The following FAM13A variants were observed in gnomAD, a reference collection of about 807,000 sequenced individuals.
FAM13A encodes family with sequence similarity 13 member A, also known as protein FAM13A.
A neutral mutation model predicts 129.6 loss-of-function variants in FAM13A; 76 were observed. The ratio of observed to expected loss-of-function variants is 0.59; its 90% CI spans 0.49 to 0.71. The LOEUF (loss-of-function observed/expected upper bound fraction) is 0.71, where lower values mean the gene tolerates loss of function less well. FAM13A is among the 30% of genes least tolerant of loss of function. The pLI is 0.00. For missense variants in FAM13A, 1,108 were observed against 1,249.3 expected, an observed-to-expected ratio of 0.89 and a Z score of 1.70; for synonymous variants, 443 against 449.9, an observed-to-expected ratio of 0.98 and a Z score of 0.20.
At chr4:88,753,213 A>T (rs556922032) in intron 14 of FAM13A, among the ~76,000 whole-genome samples, 74 of 152,358 alleles carry the variant, frequency 4.9e-4, no homozygotes, top group African/African-American at 1.7e-3. Context: ...TTTACTTATA[A>T]GAGTGTGTGA....
At chr4:88,826,192 C>A (rs985665665) in intron 7 of FAM13A, among the ~76,000 whole-genome samples, 1 of 152,046 alleles carries the variant, frequency 6.6e-6, no homozygotes, top group Admixed American at 6.6e-5. Flanking sequence ...TCCCTCTTAA[C>A]CCCCACTACT....
chr4:88,959,967 C>G (rs1346892491), intron 4 of FAM13A, among the ~76,000 whole-genome samples: 4 of 152,172 alleles, frequency 2.6e-5, no homozygotes, highest in African/African-American at 9.7e-5. Flanking sequence ...TTCCATTATA[C>G]ACAGTAGAAG....
intron 6 of FAM13A, among the ~76,000 whole-genome samples, chr4:88,871,562 T>A (rs528348351): frequency 6.6e-6 from 1 of 152,148 alleles, no homozygotes; most frequent in South Asian, 2.1e-4. Flanking sequence ...GAAGATCAAA[T>A]GAATGAAATG....
intron 4 of FAM13A, among the ~76,000 whole-genome samples, chr4:88,946,605 A>G (rs1162328787): frequency 6.6e-6 from 1 of 152,026 alleles, no homozygotes; most frequent in Admixed American, 6.6e-5. Flanking sequence ...CTGCATATAG[A>G]TAAATATGCT....
chr4:89,030,239 C>T (rs987694686), intron 1 of FAM13A, among the ~76,000 whole-genome samples: 3 of 151,956 alleles, frequency 2.0e-5, no homozygotes, highest in African/African-American at 7.3e-5. Context: ...GAAACAACAA[C>T]ATTTAGGTAG....
At chr4:89,007,285 G>A (rs996781166) in intron 3 of FAM13A, among the ~76,000 whole-genome samples, 8 of 152,156 alleles carry the variant, frequency 5.3e-5, no homozygotes, top group Non-Finnish European at 1.0e-4. Flanking sequence ...GTCTTCTAGA[G>A]CTAAAAGGAC....
intron 2 of FAM13A, among the ~76,000 whole-genome samples, chr4:89,025,811 T>A (rs904969852): frequency 6.6e-6 from 1 of 152,194 alleles, no homozygotes. Flanking sequence ...CGCATACTTA[T>A]ATATACACGA....
At chr4:88,998,778 G>A (rs60487797) in intron 3 of FAM13A, among the ~76,000 whole-genome samples, 10 of 152,092 alleles carry the variant, frequency 6.6e-5, no homozygotes, top group Admixed American at 1.3e-4. Flanking sequence ...TTTTACCTCC[G>A]CATTTCATTC....
rs139816277 is a variant in FAM13A at position 88,780,327 on chromosome 4, A to T, written c.1458+838T>A. Among the ~76,000 whole-genome samples the T allele has an allele frequency of 2.9e-3, 436 of 152,316 alleles. 4 individuals are homozygous for T. Among genetic ancestry groups the T allele is most frequent in the African/African-American group, 8.9e-3 (371 of 41,578 alleles). On this transcript the variant is annotated intron_variant, in intron 11 of 23. Transcript: ENST00000264344. The stretch of plus-strand genomic sequence containing the variant: ...TGAATGTATGGAAAACACAGCATGG[A>T]GCTAAAAACTGGTCAAAGTACGTCA...
chr4:89,006,717 G>A (rs2149071826), intron 3 of FAM13A, among the ~76,000 whole-genome samples: 1 of 152,290 alleles, frequency 6.6e-6, no homozygotes, highest in Non-Finnish European at 1.5e-5. Flanking sequence ...GGAAGAGTCA[G>A]GTCACATGGA....
chr4:89,055,352 G>C (rs996652063), intron 1 of FAM13A, among the ~76,000 whole-genome samples: 2 of 152,058 alleles, frequency 1.3e-5, no homozygotes, highest in African/African-American at 4.8e-5. Context: ...TAAGGAGAAG[G>C]GTAGAAATGA....
Position 88,750,426 on chromosome 4 carries a change from C to G in FAM13A, c.1938G>C (p.Met646Ile), listed in dbSNP as rs745904369. 37 of 1,612,264 alleles carry G rather than the reference C, an allele frequency of 2.3e-5. No homozygotes were observed. Among genetic ancestry groups the G allele is most frequent in the Admixed American group, 3.3e-5 (2 of 60,012 alleles). ...ATCAGCAACACAGAGAAACATACCT[C>G]ATGAAAGAATGGGAGTTTGGTGGGG... ...PPSPPNSHSF[M>I]RRRSSSLGSY... The change falls in exon 15 of 24, where the codon ATG becomes ATC. Residue 646 changes from methionine (M) to isoleucine (I), a missense_variant and splice_region_variant. Physicochemically the swap from Met to Ile is conservative, Grantham distance 10. Around this residue, in one of 3 missense-constraint regions of FAM13A, gnomAD observed 529 missense variants for 621.2 expected, o/e 0.85. Coordinates refer to ENST00000264344, the MANE Select transcript of FAM13A (RefSeq NM_014883.4).
chr4:88,742,932 T>C (rs1740563046), intron 19 of FAM13A, among the ~76,000 whole-genome samples: 1 of 152,214 alleles, frequency 6.6e-6, no homozygotes, highest in African/African-American at 2.4e-5. Flanking sequence ...AGGCCAGGCA[T>C]GTAGTATATT....
intron 4 of FAM13A, among the ~76,000 whole-genome samples, chr4:88,945,990 G>GTGTGTGTGTGTGTGTGTGTGTGTA: frequency 1.6e-5 from 1 of 61,966 alleles, no homozygotes; most frequent in African/African-American, 8.6e-5. Flanking sequence ...GTGTGTGTGT[G>GTGTGTGTGTGTGTGTGTGTGTGTA]TATATATATA....
intron 7 of FAM13A, among the ~76,000 whole-genome samples, chr4:88,830,500 TA>T (rs1247319065): frequency 6.6e-6 from 1 of 152,234 alleles, no homozygotes; most frequent in Admixed American, 6.5e-5. Flanking sequence ...CATCATAATT[TA>T]ATGTGTTTCC....
rs888659353 is a variant in FAM13A, at chr4:89,037,044, G to A, written c.28-7395C>T. Among the ~76,000 whole-genome samples, 4 of 152,230 alleles carry A rather than the reference G, an allele frequency of 2.6e-5. 1 individual carries two copies. The South Asian group carries it at 8.3e-4, about 32-fold the overall frequency. ...AGGGCAATGCAGAGGGGAAATGTGA[G>A]ATTGGAGCCCCCATACAAGAGTCCC... On this transcript the variant is annotated intron_variant, in intron 1 of 23. Transcript: ENST00000264344.
chr4:89,056,782 C>T (rs1458428755), intron 1 of FAM13A, among the ~76,000 whole-genome samples, 156 bp downstream of exon 1: 1 of 152,132 alleles, frequency 6.6e-6, no homozygotes, highest in African/African-American at 2.4e-5. Context: ...CTGCCTAATA[C>T]CCATTTAAGT....
intron 4 of FAM13A, among the ~76,000 whole-genome samples, chr4:88,948,234 C>T (rs1756277914): frequency 1.3e-5 from 2 of 152,116 alleles, no homozygotes; most frequent in African/African-American, 4.8e-5. Flanking sequence ...GGTTCTGGCT[C>T]CACAACTCAT....
rs377268858 is a variant in FAM13A, at chr4:88,767,630, A to G, written c.1536-35T>C. Reference sequence around the variant, plus strand: ...ATGGCAACAACAAAAAAATCATAAAATATCTACTTGTTTTATAACGTTTTT... The same window carrying G: ...ATGGCAACAACAAAAAAATCATAAAGTATCTACTTGTTTTATAACGTTTTT... On this transcript the variant is annotated intron_variant, in intron 12 of 23. Coordinates refer to ENST00000264344, the MANE Select transcript of FAM13A (RefSeq NM_014883.4). 1.7e-5 allele frequency: 25 copies of G among 1,507,958 alleles called. No homozygotes were observed. The African/African-American group carries it at 3.2e-4, about 19-fold the overall frequency. 93.4% of individuals were successfully genotyped at this position (1,507,958 alleles called of 1,614,324 possible).
Sources: gnomAD v4.1 joint callset for allele counts (sites outside exome capture counted in the v4.1 genomes callset) on GRCh38, gnomAD v4.1.1 for gene constraint, gnomAD v4.1.1 regional missense constraint, MANE v1.5 for transcripts, NCBI Gene and HGNC (gene_info 2026-07-23, HGNC 2026-07-21) for gene names.